The following CYP7B1 variants were observed in gnomAD, a reference collection of about 807,000 sequenced individuals.
The protein encoded by CYP7B1 is cytochrome P450 family 7 subfamily B member 1.
Under a neutral mutation model 42.7 loss-of-function variants are expected in CYP7B1, and 29 were observed. That is an observed-to-expected ratio of 0.68 (90% CI 0.51 to 0.93). CYP7B1 has a LOEUF of 0.93. CYP7B1 is among the 40% of genes least tolerant of loss of function. The pLI is 0.00. For synonymous variants in CYP7B1, 235 were observed against 218.2 expected (o/e 1.08, Z -0.68); for missense variants, 655 against 600.5 (o/e 1.09, Z -0.95).
rs1805077316 is a variant in CYP7B1, at chr8:64,593,971, G to A, written c.*2671C>T. On this transcript the variant is annotated 3_prime_UTR_variant, in exon 6 of 6. Coordinates refer to ENST00000310193, the MANE Select transcript of CYP7B1 (RefSeq NM_004820.5). The stretch of plus-strand genomic sequence containing the variant: ...TGGAAAACCTGAAGGTTAACAAGCT[G>A]GAGACTGACACTCTGACTCAAAATC... Among the ~76,000 whole-genome samples, 1 of 152,190 alleles carries A rather than the reference G, an allele frequency of 6.6e-6. No homozygotes were observed. Among genetic ancestry groups the A allele is most frequent in the Non-Finnish European group, 1.5e-5 (1 of 68,034 alleles).
intron 1 of CYP7B1, chr8:64,734,319 A>G (rs1807455235): frequency 6.6e-6 from 1 of 152,200 alleles, no homozygotes; most frequent in Non-Finnish European, 1.5e-5. Flanking sequence ...GGTAATTTAT[A>G]AAGTACAGAA....
intron 1 of CYP7B1, among the ~76,000 whole-genome samples, chr8:64,675,701 G>A (rs1473790963): frequency 3.3e-5 from 5 of 152,050 alleles, no homozygotes; most frequent in South Asian, 2.1e-4. Flanking sequence ...TGAAACAAAC[G>A]TGGTTGAAAT....
chr8:64,758,996 A>T (rs1217671950), intron 1 of CYP7B1, among the ~76,000 whole-genome samples: 1 of 152,214 alleles, frequency 6.6e-6, no homozygotes, highest in Admixed American at 6.5e-5. Context: ...ACTCAAAGTG[A>T]TTGTGTTGAT....
At chr8:64,717,673 C>T (rs765997750) in intron 1 of CYP7B1, among the ~76,000 whole-genome samples, 3 of 151,804 alleles carry the variant, frequency 2.0e-5, no homozygotes, top group Non-Finnish European at 4.4e-5. Flanking sequence ...AGCAACATGG[C>T]GTAACTCTGT....
intron 1 of CYP7B1, among the ~76,000 whole-genome samples, chr8:64,635,884 A>G (rs1429078122): frequency 6.6e-6 from 1 of 152,224 alleles, no homozygotes; most frequent in Non-Finnish European, 1.5e-5. Context: ...TAGCAGAATT[A>G]TATTAATACT....
At chr8:64,635,061 A>G (rs1805750282) in intron 1 of CYP7B1, among the ~76,000 whole-genome samples, 1 of 152,238 alleles carries the variant, frequency 6.6e-6, no homozygotes, top group African/African-American at 2.4e-5. Flanking sequence ...CATGTGACAC[A>G]CAGCACACAG....
rs1036914982 is a variant in CYP7B1, at chr8:64,591,953, C to T, written c.*4689G>A. On this transcript the variant is annotated 3_prime_UTR_variant, in exon 6 of 6. Coordinates refer to ENST00000310193, the MANE Select transcript of CYP7B1 (RefSeq NM_004820.5). ...CTGCAACCCCAGCACTTAGGGAGTCCGAGGCGGGTGGATCACCTGAGGTCT... is the reference window on the plus strand; with the variant it reads ...CTGCAACCCCAGCACTTAGGGAGTCTGAGGCGGGTGGATCACCTGAGGTCT... Among the ~76,000 whole-genome samples, 16 of 152,016 alleles carry T rather than the reference C, an allele frequency of 1.1e-4. No individual in the cohort carries two copies. The highest frequency in any genetic ancestry group is 2.6e-4 in the Admixed American group (4 of 15,250).
At chr8:64,652,979 C>G (rs182190537) in intron 1 of CYP7B1, among the ~76,000 whole-genome samples, 1 of 152,296 alleles carries the variant, frequency 6.6e-6, no homozygotes, top group Admixed American at 6.5e-5. Context: ...ATACCAAAAT[C>G]TCTGGGACAC....
At chr8:64,649,455 T>C (rs1287363347) in intron 1 of CYP7B1, among the ~76,000 whole-genome samples, 1 of 152,218 alleles carries the variant, frequency 6.6e-6, no homozygotes, top group Non-Finnish European at 1.5e-5. Flanking sequence ...TATCCATTCA[T>C]CTGCTGTTGG....
At chr8:64,788,640 T>C (rs910850212) in intron 1 of CYP7B1, among the ~76,000 whole-genome samples, 1 of 152,198 alleles carries the variant, frequency 6.6e-6, no homozygotes, top group Non-Finnish European at 1.5e-5. Flanking sequence ...ACTGGAATAA[T>C]TGGGTAAATA....
intron 1 of CYP7B1, among the ~76,000 whole-genome samples, chr8:64,631,335 A>G (rs1805692442): frequency 6.6e-6 from 1 of 152,218 alleles, no homozygotes; most frequent in Non-Finnish European, 1.5e-5. Flanking sequence ...AAGAAAAAAA[A>G]TCATCTGCTC....
intron 1 of CYP7B1, among the ~76,000 whole-genome samples, chr8:64,711,677 C>T (rs1444553702): frequency 6.6e-6 from 1 of 152,186 alleles, no homozygotes; most frequent in Admixed American, 6.5e-5. Context: ...ACTAAGGAGG[C>T]ACCCTTGTGG....
At chr8:64,766,488 G>A (rs1807974749) in intron 1 of CYP7B1, among the ~76,000 whole-genome samples, 1 of 151,882 alleles carries the variant, frequency 6.6e-6, no homozygotes, top group Non-Finnish European at 1.5e-5. Flanking sequence ...GAGATCAGGA[G>A]GAGCAGGCGG....
At chr8:64,748,262 C>T (rs1393008862) in intron 1 of CYP7B1, among the ~76,000 whole-genome samples, 1 of 152,130 alleles carries the variant, frequency 6.6e-6, no homozygotes, top group Non-Finnish European at 1.5e-5. Flanking sequence ...GGGTGTCTAC[C>T]ATCTTTAAAT....
intron 1 of CYP7B1, among the ~76,000 whole-genome samples, chr8:64,748,799 C>A (rs771176116): frequency 1.3e-5 from 2 of 152,228 alleles, no homozygotes; most frequent in Admixed American, 6.5e-5. Flanking sequence ...TCCAAACTCA[C>A]ATCCTTCATT....
At chr8:64,758,188 T>C (rs561197114) in intron 1 of CYP7B1, among the ~76,000 whole-genome samples, 7 of 152,240 alleles carry the variant, frequency 4.6e-5, no homozygotes, top group African/African-American at 1.7e-4. Context: ...GAGAGTCCAC[T>C]GCCCCTTTAT....
chr8:64,771,793 T>TC (rs1330413531), intron 1 of CYP7B1, among the ~76,000 whole-genome samples: 1 of 152,228 alleles, frequency 6.6e-6, no homozygotes, highest in African/African-American at 2.4e-5. Context: ...AAACTATAAC[T>TC]CCATTAGCAC....
At chr8:64,740,533 T>C (rs1807551924) in intron 1 of CYP7B1, among the ~76,000 whole-genome samples, 1 of 149,430 alleles carries the variant, frequency 6.7e-6, no homozygotes, top group Admixed American at 6.6e-5. Flanking sequence ...AGGAAAAAAA[T>C]AGAGAAAATC....
chr8:64,697,185 T>C (rs545820467), intron 1 of CYP7B1, among the ~76,000 whole-genome samples: 8 of 152,340 alleles, frequency 5.3e-5, no homozygotes, highest in African/African-American at 1.9e-4. Context: ...TGGCAGGTTC[T>C]GTGTTAGGTG....
Sources: gnomAD v4.1 joint callset for allele counts (sites outside exome capture counted in the v4.1 genomes callset) on GRCh38, gnomAD v4.1.1 for gene constraint, MANE v1.5 for transcripts, NCBI Gene and HGNC (gene_info 2026-07-23, HGNC 2026-07-21) for gene names.